Variants in CSF1R observed in about 807,000 individuals in gnomAD.
The protein encoded by CSF1R is colony stimulating factor 1 receptor.
Under a neutral mutation model 110.0 loss-of-function variants are expected in CSF1R, and 40 were observed. That is an observed-to-expected ratio of 0.36 (90% CI 0.28 to 0.47). The LOEUF (loss-of-function observed/expected upper bound fraction) is 0.47, where lower values mean the gene tolerates loss of function less well. Ranked by LOEUF, CSF1R falls within the 20% of genes least tolerant of loss-of-function variation. The pLI is 0.99. For missense variants in CSF1R, 1,052 were observed against 1,253.0 expected, an observed-to-expected ratio of 0.84 and a Z score of 2.42; for synonymous variants, 523 against 503.4, an observed-to-expected ratio of 1.04 and a Z score of -0.52.
At chr5:150,056,665 G>GTTACTTCTGATCATAGCAGCTGCTATC (rs570972940) in intron 16 of CSF1R, among the ~76,000 whole-genome samples, 109 of 152,264 alleles carry the variant, frequency 7.2e-4, no homozygotes, top group African/African-American at 2.5e-3. Context: ...AAACCCTACC[G>GTTACTTCTGATCATAGCAGCTGCTATC]TTACTTCTGA....
At position 150,061,589 on chromosome 5, in the gene CSF1R, G is replaced by T. The variant is rs146386843; in HGVS notation, c.1760C>A (p.Thr587Asn). 6.2e-7 allele frequency: 1 copy of T among 1,614,114 alleles called. No homozygotes were observed. Among genetic ancestry groups the T allele is most frequent in the Non-Finnish European group, 8.5e-7 (1 of 1,180,028 alleles). The change falls in exon 12 of 21, where the codon ACC becomes AAC. Residue 587 changes from threonine (T) to asparagine (N), a missense_variant. Coordinates refer to ENST00000675795, the MANE Select transcript of CSF1R (RefSeq NM_001288705.3). The part of the protein sequence containing the change: ...FPRNNLQFGK[T>N]LGAGAFGKVV... ...CTTCCCAAAGGCTCCAGCTCCGAGG[G>T]TCTTACCTGCCACGCACACAGGTCC...
At chr5:150,078,074 G>A (rs370139368) in intron 4 of CSF1R, 38 bp downstream of exon 4, 300 of 1,611,680 alleles carry the variant, frequency 1.9e-4, no homozygotes, top group Non-Finnish European at 2.2e-4. Flanking sequence ...GTGCTGGGAG[G>A]ATGGCCAGAC....
intron 10 of CSF1R, among the ~76,000 whole-genome samples, chr5:150,066,424 G>T (rs7719910): frequency 0.13 from 19,199 of 152,248 alleles, 1,330 homozygotes; most frequent in Middle Eastern, 0.19. Flanking sequence ...AGTTTCTGGT[G>T]CTTAAACTAG....
At chr5:150,074,918 G>A (rs992179216) in intron 5 of CSF1R, among the ~76,000 whole-genome samples, 1 of 152,064 alleles carries the variant, frequency 6.6e-6, no homozygotes, top group African/African-American at 2.4e-5. Flanking sequence ...TCCAACCTTG[G>A]AGGTTTTGCT....
At chr5:150,069,833 CGGGCGGGG>C (rs2113807734) in intron 9 of CSF1R, 32 bp downstream of exon 9, 1 of 1,359,254 alleles carries the variant, frequency 7.4e-7, no homozygotes, top group Non-Finnish European at 9.5e-7. Flanking sequence ...GGGCGGGGGG[CGGGCGGGG>C]GGGCGGTGCG....
Position 150,057,400 on chromosome 5 carries a change from G to A in CSF1R, c.2222-16C>T, listed in dbSNP as rs200830545. 12 of 1,613,156 alleles carry A rather than the reference G, an allele frequency of 7.4e-6. No homozygotes were observed. The African/African-American group carries it at 1.6e-4, about 21-fold the overall frequency. Reference sequence around the variant, plus strand: ...TTGTCCAGGTCTAGGGTGGGAAGAGGCGTCAGGGCAGCCCTGCCACACTCC... The same window carrying A: ...TTGTCCAGGTCTAGGGTGGGAAGAGACGTCAGGGCAGCCCTGCCACACTCC... On this transcript the variant is annotated splice_polypyrimidine_tract_variant and intron_variant, in intron 15 of 20. Transcript: ENST00000675795.
In CSF1R at chr5:150,094,546, A is replaced by G. The variant is rs1237533265; in HGVS notation, c.-180-7939T>C. On this transcript the variant is annotated intron_variant, in intron 1 of 21. Coordinates refer to the CSF1R transcript ENST00000286301. ...ATGGCAAGAAAAGCTGGCAACTTCT[A>G]TGTACCTGCAGAACCCAAATTGGCG... The G allele has an allele frequency of 6.3e-6, 10 of 1,597,594 alleles. No homozygotes were observed. The East Asian group carries it at 8.9e-5, about 14-fold the overall frequency.
At chr5:150,078,982 A>C (rs1758406027) in intron 3 of CSF1R, among the ~76,000 whole-genome samples, 1 of 152,230 alleles carries the variant, frequency 6.6e-6, no homozygotes, top group African/African-American at 2.4e-5. Context: ...GTCGAATGTC[A>C]AATCCGTGAC....
rs370577638 is a variant in CSF1R at position 150,057,640 on chromosome 5, C to T, written c.2133-48G>A. The T allele has an allele frequency of 5.6e-5, 81 of 1,439,466 alleles. No homozygotes were observed. In the African/African-American group the frequency reaches 9.8e-4, roughly 17 times the overall value. The allele number at this position is 1,439,466 out of a possible 1,614,324, so 89.2% of individuals were successfully genotyped here. A position where few individuals can be genotyped will look rare whatever the true frequency, so the allele number is the denominator to read the frequency against. ...GGGCAGAGGTCACTCATCATCACTG[C>T]ACTGCTCAGCTCAGGCCTTGACCAC... On this transcript the variant is annotated intron_variant, in intron 14 of 20. Coordinates refer to ENST00000675795, the MANE Select transcript of CSF1R (RefSeq NM_001288705.3).
At chr5:150,061,958 G>A (rs1757554338) in intron 10 of CSF1R, 109 bp from the exon 11 acceptor site, 1 of 1,488,380 alleles carries the variant, frequency 6.7e-7, no homozygotes, top group Non-Finnish European at 9.2e-7. Context: ...GCGCCCAGTG[G>A]GAGAAGGCAG....
At position 150,056,361 on chromosome 5, in the gene CSF1R, G is replaced by C. The variant is rs199831995; in HGVS notation, c.2320-20C>G. On this transcript the variant is annotated intron_variant, in intron 16 of 20. Transcript: ENST00000675795. Reference sequence around the variant, plus strand: ...GATGCACTGAGGGAAAGCACTGCAGGGTTAGTCTTGGGCCTTCTCCTACCT... The same window carrying C: ...GATGCACTGAGGGAAAGCACTGCAGCGTTAGTCTTGGGCCTTCTCCTACCT... 2 of 1,613,766 alleles carry C rather than the reference G, an allele frequency of 1.2e-6. No homozygotes were observed. The highest frequency in any genetic ancestry group is 1.7e-6 in the Non-Finnish European group (2 of 1,179,886).
At chr5:150,059,590 G>T (rs1387392897) in intron 14 of CSF1R, 110 bp downstream of exon 14, 15 of 1,330,478 alleles carry the variant, frequency 1.1e-5, no homozygotes, top group Non-Finnish European at 1.6e-5. Context: ...GCAGGTGAGG[G>T]CTGCATAGCC....
At chr5:150,085,620 C>G (rs923308069) in intron 1 of CSF1R, among the ~76,000 whole-genome samples, 2 of 152,106 alleles carry the variant, frequency 1.3e-5, no homozygotes, top group African/African-American at 4.8e-5. Context: ...TGGGAGGGCT[C>G]TGGTCCAGGA....
chr5:150,079,785 T>C (rs572012316), intron 3 of CSF1R, among the ~76,000 whole-genome samples: 1 of 152,370 alleles, frequency 6.6e-6, no homozygotes, highest in South Asian at 2.1e-4. Context: ...AGCTACCATG[T>C]TGAATGTTTA....
intron 1 of CSF1R, among the ~76,000 whole-genome samples, chr5:150,081,575 G>T (rs1182978951): frequency 2.0e-5 from 3 of 152,204 alleles, no homozygotes; most frequent in Non-Finnish European, 4.4e-5. Flanking sequence ...AGCACAGTGG[G>T]ATGGGGAGGT....
chr5:150,086,612 G>A, upstream of CSF1R: 1 of 542,290 alleles, frequency 1.8e-6, no homozygotes, highest in Non-Finnish European at 3.3e-6. Flanking sequence ...TTTTAGCTAG[G>A]CAAGGCAACC....
chr5:150,060,102 T>C (rs1006202925), intron 13 of CSF1R, among the ~76,000 whole-genome samples: 6 of 151,648 alleles, frequency 4.0e-5, no homozygotes, highest in East Asian at 1.9e-4. Flanking sequence ...CCAAGGTGGG[T>C]GGATCACGAG....
chr5:150,082,833 C>T (rs544031621), intron 1 of CSF1R, among the ~76,000 whole-genome samples: 1 of 152,362 alleles, frequency 6.6e-6, no homozygotes, highest in African/African-American at 2.4e-5. Context: ...TGGGCACCTG[C>T]TTTAATTGCT....
chr5:150,063,423 A>G (rs1202511866), intron 10 of CSF1R, among the ~76,000 whole-genome samples: 5 of 151,704 alleles, frequency 3.3e-5, no homozygotes, highest in African/African-American at 9.7e-5. Flanking sequence ...ATCATAGCTC[A>G]CTAGGCTCAA....
Sources: allele counts gnomAD v4.1 joint callset (sites outside exome capture counted in the v4.1 genomes callset), GRCh38; gene constraint gnomAD v4.1.1; transcripts MANE v1.5; gene names NCBI Gene and HGNC (gene_info 2026-07-23, HGNC 2026-07-21).